Variants in PIK3AP1 observed in about 807,000 individuals in gnomAD.
PIK3AP1 encodes phosphoinositide-3-kinase adaptor protein 1.
PIK3AP1 carries 21 observed loss-of-function variants against 88.1 expected under a neutral mutation model. The ratio of observed to expected loss-of-function variants is 0.24; its 90% CI spans 0.17 to 0.34. The LOEUF (loss-of-function observed/expected upper bound fraction) is 0.34. PIK3AP1 is among the 10% of genes least tolerant of loss of function. The pLI, the probability that PIK3AP1 is intolerant of heterozygous loss-of-function variation, is 1.00. For synonymous variants in PIK3AP1, 398 were observed against 400.0 expected (o/e 1.00, Z 0.06); for missense variants, 828 against 1,035.7 (o/e 0.80, Z 2.75).
At chr10:96,667,274 G>A (rs950604301) in intron 2 of PIK3AP1, among the ~76,000 whole-genome samples, 2 of 151,746 alleles carry the variant, frequency 1.3e-5, no homozygotes, top group African/African-American at 4.9e-5. Context: ...GCTCTGGAAG[G>A]GGTGTGGAAA....
At chr10:96,659,629 G>T (rs2134241759) in intron 2 of PIK3AP1, among the ~76,000 whole-genome samples, 1 of 151,660 alleles carries the variant, frequency 6.6e-6, no homozygotes, top group Non-Finnish European at 1.5e-5. Flanking sequence ...TTGGGAGGCT[G>T]AGGTGGGAGG....
At chr10:96,700,044 G>A (rs1844274850) in intron 2 of PIK3AP1, among the ~76,000 whole-genome samples, 1 of 152,078 alleles carries the variant, frequency 6.6e-6, no homozygotes, top group African/African-American at 2.4e-5. Flanking sequence ...TTCCATTCTG[G>A]CATACATTAG....
Position 96,626,770 on chromosome 10 carries a change from C to T in PIK3AP1, c.1607G>A (p.Arg536Lys). Reference protein sequence around the residue: ...LASRPPVPVPRPETTAPGAHQ... With the variant: ...LASRPPVPVPKPETTAPGAHQ... ...AGCACCAGGAGCAGTGGTCTCTGGT[C>T]TGGGCACTGGGACAGGGGGCCTGCT... Residue 536 changes from arginine (R) to lysine (K), a missense_variant, in exon 10 of 17, where the codon AGA (arginine) becomes AAA (lysine). Physicochemically the swap from Arg to Lys is conservative, Grantham distance 26 (BLOSUM62 2). Coordinates refer to ENST00000339364, the MANE Select transcript of PIK3AP1 (RefSeq NM_152309.3). 2 of 1,614,246 alleles carry T rather than the reference C, an allele frequency of 1.2e-6. No homozygotes were observed. The highest frequency in any genetic ancestry group is 1.3e-5 in the African/African-American group (1 of 75,064).
chr10:96,693,441 G>GTGGATGGATGGATGGATGGA (rs3979613), intron 2 of PIK3AP1, among the ~76,000 whole-genome samples: 6,710 of 150,606 alleles, frequency 0.045, 206 homozygotes, highest in African/African-American at 0.085. Flanking sequence ...AGATAGATGA[G>GTGGATGGATGGATGGATGGA]TGGATGGATG....
chr10:96,608,284 G>A (rs1849037413), intron 14 of PIK3AP1, among the ~76,000 whole-genome samples: 2 of 152,230 alleles, frequency 1.3e-5, no homozygotes, highest in Non-Finnish European at 2.9e-5. Flanking sequence ...GAGAGACAGA[G>A]ATAGCCACCT....
chr10:96,604,344 ATTTTTTTTTTTTTTTTTTTT>A (rs66487275), intron 14 of PIK3AP1, among the ~76,000 whole-genome samples: 24 of 77,128 alleles, frequency 3.1e-4, no homozygotes, highest in African/African-American at 1.2e-3. Context: ...CACCTAGCCA[ATTTTTTTTTTTTTTTTTTTT>A]TTTTTTTTTT....
intron 3 of PIK3AP1, among the ~76,000 whole-genome samples, chr10:96,655,106 T>C (rs544208496): frequency 1.3e-5 from 2 of 152,272 alleles, no homozygotes; most frequent in Admixed American, 6.5e-5. Flanking sequence ...CCCAGGCTGG[T>C]CTCAAACTCC....
chr10:96,677,681 C>T (rs115056135), intron 2 of PIK3AP1, among the ~76,000 whole-genome samples: 80 of 151,924 alleles, frequency 5.3e-4, no homozygotes, highest in Middle Eastern at 3.4e-3. Context: ...AGTTTGGTCA[C>T]GTGCAATACA....
chr10:96,678,653 A>G (rs1180151556), intron 2 of PIK3AP1, among the ~76,000 whole-genome samples: 1 of 152,130 alleles, frequency 6.6e-6, no homozygotes, highest in Non-Finnish European at 1.5e-5. Context: ...GCATGGGTTA[A>G]AACAGGTAGA....
At chr10:96,712,481 C>A (rs1380224759) in intron 1 of PIK3AP1, among the ~76,000 whole-genome samples, 3 of 152,022 alleles carry the variant, frequency 2.0e-5, no homozygotes, top group Admixed American at 6.5e-5. Context: ...AAATAAAAAT[C>A]TTTGCTGCTT....
chr10:96,642,575 T>C (rs4919047), intron 8 of PIK3AP1, among the ~76,000 whole-genome samples: 146,796 of 152,320 alleles, frequency 0.96, 70,935 homozygotes, highest in East Asian at 1. Flanking sequence ...ATGCAAAAAG[T>C]AGCCAAATTT....
chr10:96,643,253 G>A (rs1013212153), intron 8 of PIK3AP1, among the ~76,000 whole-genome samples: 1 of 152,210 alleles, frequency 6.6e-6, no homozygotes, highest in Non-Finnish European at 1.5e-5. Flanking sequence ...AAGGAACCAC[G>A]ACTAAAATGC....
At chr10:96,676,506 G>A (rs964705220) in intron 2 of PIK3AP1, among the ~76,000 whole-genome samples, 13 of 151,888 alleles carry the variant, frequency 8.6e-5, no homozygotes, top group Non-Finnish European at 2.9e-5. Context: ...TCAGGTCTTA[G>A]TGACAGAAAT....
intron 2 of PIK3AP1, among the ~76,000 whole-genome samples, chr10:96,662,916 A>AAAAAAAAAAC (rs1843711648): frequency 6.7e-6 from 1 of 148,306 alleles, no homozygotes; most frequent in Non-Finnish European, 1.5e-5. Flanking sequence ...AAAAAAAAAA[A>AAAAAAAAAAC]AGAGGGAAAC....
intron 2 of PIK3AP1, among the ~76,000 whole-genome samples, chr10:96,665,975 C>T (rs939870491): frequency 6.6e-6 from 1 of 152,162 alleles, no homozygotes; most frequent in African/African-American, 2.4e-5. Context: ...AAACCAGCAT[C>T]CTCTATGACA....
At chr10:96,702,980 A>G (rs2134285030) in intron 2 of PIK3AP1, among the ~76,000 whole-genome samples, 1 of 152,174 alleles carries the variant, frequency 6.6e-6, no homozygotes, top group African/African-American at 2.4e-5. Flanking sequence ...GGGCTCGAGC[A>G]ATCTTCCCAC....
intron 2 of PIK3AP1, among the ~76,000 whole-genome samples, chr10:96,673,251 A>T (rs529804887): frequency 2.6e-5 from 4 of 152,262 alleles, no homozygotes; most frequent in Middle Eastern, 3.4e-3. Flanking sequence ...GCTGCACAAA[A>T]ACCCACCTCT....
rs1007589268 is a variant in PIK3AP1, at chr10:96,706,413, C to G, written c.430+3154G>C. 2.0e-5 allele frequency among the ~76,000 whole-genome samples: 3 copies of G among 152,076 alleles called. No individual in the cohort carries two copies. The South Asian group carries it at 6.2e-4, about 32-fold the overall frequency. ...TTATCACAAGTTATAGGGAATGTAC[C>G]TAAGGACACAATTATCCCAGAAATG... is the stretch of plus-strand genomic sequence containing the variant. On this transcript the variant is annotated intron_variant, in intron 2 of 16. Coordinates refer to ENST00000339364, the MANE Select transcript of PIK3AP1 (RefSeq NM_152309.3).
At chr10:96,692,996 T>C (rs756774569) in intron 2 of PIK3AP1, among the ~76,000 whole-genome samples, 1 of 152,304 alleles carries the variant, frequency 6.6e-6, no homozygotes, top group Non-Finnish European at 1.5e-5. Flanking sequence ...TTCCTGCCAT[T>C]GTTGCAGCTT....
Sources: gnomAD v4.1 joint callset for allele counts (sites outside exome capture counted in the v4.1 genomes callset) on GRCh38, gnomAD v4.1.1 for gene constraint, MANE v1.5 for transcripts, NCBI Gene and HGNC (gene_info 2026-07-23, HGNC 2026-07-21) for gene names.